Variants in KIRREL3 observed in about 807,000 individuals in gnomAD.
KIRREL3 encodes kin of IRRE-like protein 3.
Under a neutral mutation model 89.7 loss-of-function variants are expected in KIRREL3, and 36 were observed. The observed-to-expected ratio is 0.40, with a 90% CI of 0.31 to 0.53. KIRREL3 has a LOEUF of 0.53. Among genes scored for constraint, KIRREL3 ranks in the 20% least tolerant of loss-of-function variants. The pLI is 0.49. For synonymous variants in KIRREL3, 445 were observed against 441.4 expected (o/e 1.01, Z -0.10); for missense variants, 864 against 1,056.6 (o/e 0.82, Z 2.53).
chr11:126,702,003 G>A (rs1340922848), intron 1 of KIRREL3, among the ~76,000 whole-genome samples: 1 of 152,088 alleles, frequency 6.6e-6, no homozygotes, highest in Non-Finnish European at 1.5e-5. Flanking sequence ...TTTATAACAG[G>A]GTAATAACCT....
Position 126,431,487 on chromosome 11 carries a change from C to A in KIRREL3, c.1628G>T (p.Gly543Val). 3 of 1,614,026 alleles carry A rather than the reference C, an allele frequency of 1.9e-6. No individual in the cohort carries two copies. Among genetic ancestry groups the A allele is most frequent in the Non-Finnish European group, 2.5e-6 (3 of 1,179,902 alleles). The stretch of plus-strand genomic sequence containing the variant: ...AAGGACGAGGAAGGCCACACCAGCT[C>A]CTACGGCCACCCCAATGATGACGGC... ...PMAVIIGVAV[G>V]AGVAFLVLMA... The change falls in exon 14 of 17, where the codon GGA becomes GTA. Residue 543 changes from glycine (G) to valine (V), a missense_variant. Transcript: ENST00000525144. This position sits in a 1 kb window ranked among gnomAD's most constrained non-coding sequence, Gnocchi z 7.1.
chr11:126,447,979 TG>T (rs1260300135), intron 8 of KIRREL3, among the ~76,000 whole-genome samples: 2 of 152,310 alleles, frequency 1.3e-5, no homozygotes, highest in South Asian at 4.1e-4. Context: ...GGGTCCCTGC[TG>T]GACCTCCAGT....
At chr11:126,824,439 C>A (rs1943334422) in intron 1 of KIRREL3, among the ~76,000 whole-genome samples, 1 of 152,208 alleles carries the variant, frequency 6.6e-6, no homozygotes, top group Non-Finnish European at 1.5e-5. Flanking sequence ...GGAGGGTAAA[C>A]AACTCACCCA....
intron 1 of KIRREL3, among the ~76,000 whole-genome samples, chr11:126,884,459 A>G (rs1246635089): frequency 3.9e-5 from 6 of 152,242 alleles, no homozygotes; most frequent in Admixed American, 3.3e-4. Context: ...GTTCAAGCAC[A>G]GAGAGAATTG....
intron 1 of KIRREL3, among the ~76,000 whole-genome samples, chr11:126,792,847 G>T (rs933500805): frequency 6.6e-6 from 1 of 152,110 alleles, no homozygotes; most frequent in Non-Finnish European, 1.5e-5. Flanking sequence ...GGATATACAC[G>T]TGTGATAAAG....
At chr11:126,690,720 G>A (rs999396964) in intron 1 of KIRREL3, among the ~76,000 whole-genome samples, 3 of 152,188 alleles carry the variant, frequency 2.0e-5, no homozygotes, top group Non-Finnish European at 4.4e-5. Flanking sequence ...GCCTTAGAAA[G>A]TTTCGTCTAC....
At chr11:126,660,691 C>T (rs766221480) in intron 1 of KIRREL3, among the ~76,000 whole-genome samples, 6 of 152,164 alleles carry the variant, frequency 3.9e-5, no homozygotes, top group Non-Finnish European at 8.8e-5. Context: ...CAATCTTGTT[C>T]AGCATGTCAC....
In KIRREL3 at chr11:126,527,584, T is replaced by C. The variant is rs1369381565; in HGVS notation, c.134-897A>G. ...AAATGAGGCACAGGGAGGTGAAAAA[T>C]AGTAATGGGAGCTGTGCTTGTGAAT... On this transcript the variant is annotated intron_variant, in intron 2 of 16. Transcript: ENST00000525144. This position sits in a 1 kb window ranked among gnomAD's most constrained non-coding sequence, Gnocchi z 4.2. 1.3e-5 allele frequency among the ~76,000 whole-genome samples: 2 copies of C among 151,980 alleles called. No individual in the cohort carries two copies. The highest frequency in any genetic ancestry group is 2.9e-5 in the Non-Finnish European group (2 of 67,992).
intron 1 of KIRREL3, among the ~76,000 whole-genome samples, chr11:126,875,361 G>A (rs751706139): frequency 1.3e-5 from 2 of 152,182 alleles, no homozygotes; most frequent in Non-Finnish European, 1.5e-5. Flanking sequence ...GGTGTCACAA[G>A]TGAAGGATAA....
chr11:126,698,509 A>T (rs1386855361), intron 1 of KIRREL3, among the ~76,000 whole-genome samples: 1 of 152,234 alleles, frequency 6.6e-6, no homozygotes, highest in East Asian at 1.9e-4. Context: ...CAGGGGCTGC[A>T]GGGAGAAAGG....
chr11:126,703,545 T>C lies in KIRREL3; in HGVS notation c.56-140633A>G, dbSNP rs761843435. On this transcript the variant is annotated intron_variant, in intron 1 of 16. Coordinates refer to ENST00000525144, the MANE Select transcript of KIRREL3 (RefSeq NM_032531.4). The surrounding 1 kb of genome is among the most constrained non-coding windows in gnomAD (Gnocchi z 4.6). ...AGTGAGAACACTGAGGCCAAAGGAA[T>C]TAAGTGATCGGTCAGAGGTCAGTCA... 6.6e-6 allele frequency among the ~76,000 whole-genome samples: 1 copy of C among 152,216 alleles called. No homozygotes were observed. Among genetic ancestry groups the C allele is most frequent in the Non-Finnish European group, 1.5e-5 (1 of 68,034 alleles).
At chr11:126,792,576 A>T in intron 1 of KIRREL3, among the ~76,000 whole-genome samples, 1 of 152,204 alleles carries the variant, frequency 6.6e-6, no homozygotes, top group Admixed American at 6.5e-5. Flanking sequence ...TCCGTCAGAA[A>T]ACATATACAA....
At chr11:126,692,424 A>C (rs969374475) in intron 1 of KIRREL3, among the ~76,000 whole-genome samples, 3 of 151,910 alleles carry the variant, frequency 2.0e-5, no homozygotes, top group Non-Finnish European at 4.4e-5. Flanking sequence ...ACACACCTGT[A>C]GTCTCAGCTC....
At position 126,475,505 on chromosome 11, in the gene KIRREL3, C is replaced by A. The variant is rs1482711642; in HGVS notation, c.434-2039G>T. On this transcript the variant is annotated intron_variant, in intron 4 of 16. Coordinates refer to ENST00000525144, the MANE Select transcript of KIRREL3 (RefSeq NM_032531.4). This position sits in a 1 kb window ranked among gnomAD's most constrained non-coding sequence, Gnocchi z 7.5. ...CACAGCAGTGCCATTTCCTGAGGAA[C>A]AAGCAACCTCCCAGGGCTTCCGAGA... Among the ~76,000 whole-genome samples the A allele has an allele frequency of 6.6e-6, 1 of 152,224 alleles. No homozygotes were observed. Among genetic ancestry groups the A allele is most frequent in the Non-Finnish European group, 1.5e-5 (1 of 68,036 alleles).
At position 126,525,829 on chromosome 11, in the gene KIRREL3, G is replaced by C. The variant is rs1958733538; in HGVS notation, c.283+709C>G. 6.6e-6 allele frequency among the ~76,000 whole-genome samples: 1 copy of C among 152,094 alleles called. No homozygotes were observed. Among genetic ancestry groups the C allele is most frequent in the Non-Finnish European group, 1.5e-5 (1 of 68,026 alleles). ...GAGCCATTCTTTTTTTTTCTCCAGG[G>C]AAGAGGATGGATTGGAAAAGCGTCT... is the stretch of plus-strand genomic sequence containing the variant. On this transcript the variant is annotated intron_variant, in intron 3 of 16. Coordinates refer to ENST00000525144, the MANE Select transcript of KIRREL3 (RefSeq NM_032531.4). This position sits in a 1 kb window ranked among gnomAD's most constrained non-coding sequence, Gnocchi z 5.4.
At chr11:126,502,799 A>T (rs1315821893) in intron 4 of KIRREL3, among the ~76,000 whole-genome samples, 2 of 152,188 alleles carry the variant, frequency 1.3e-5, no homozygotes, top group East Asian at 3.9e-4. Flanking sequence ...GTTGCATTTC[A>T]TTGGTGTAGA....
At chr11:126,660,069 A>T (rs1365893861) in intron 1 of KIRREL3, among the ~76,000 whole-genome samples, 1 of 152,012 alleles carries the variant, frequency 6.6e-6, no homozygotes, top group Non-Finnish European at 1.5e-5. Context: ...TGGCTTGGAG[A>T]CCTCCAATAG....
intron 1 of KIRREL3, among the ~76,000 whole-genome samples, chr11:126,913,466 T>A (rs1355442132): frequency 6.6e-6 from 1 of 152,200 alleles, no homozygotes; most frequent in Admixed American, 6.5e-5. Context: ...GCCACACAGT[T>A]TCTCCGACTG....
chr11:126,625,915 A>G (rs549009566), intron 1 of KIRREL3, among the ~76,000 whole-genome samples: 56 of 152,114 alleles, frequency 3.7e-4, no homozygotes, highest in Non-Finnish European at 6.9e-4. Flanking sequence ...CTTCCTATTG[A>G]ACTTACTGAT....
Sources: gnomAD v4.1 joint callset for allele counts (sites outside exome capture counted in the v4.1 genomes callset) on GRCh38, gnomAD v4.1.1 for gene constraint, Gnocchi (gnomAD v3.1) non-coding constraint, MANE v1.5 for transcripts, NCBI Gene and HGNC (gene_info 2026-07-23, HGNC 2026-07-21) for gene names.